The following CACNA1C variants were observed in gnomAD, a reference collection of about 807,000 sequenced individuals.
CACNA1C encodes the protein voltage-dependent L-type calcium channel subunit alpha-1C.
In CACNA1C, 30 loss-of-function variants were observed where a neutral mutation model predicts 229.0. That is an observed-to-expected ratio of 0.13 (90% CI 0.10 to 0.18). The LOEUF is 0.18. Among genes scored for constraint, CACNA1C ranks in the 10% least tolerant of loss-of-function variants. The probability of loss-of-function intolerance (pLI) is 1.00; values close to 1 mark genes in which losing one functional copy is unlikely to be tolerated. For missense variants in CACNA1C, 1,658 were observed against 2,845.0 expected (o/e 0.58, Z 9.49); for synonymous variants, 1,114 against 1,132.5 (o/e 0.98, Z 0.33).
intron 10 of CACNA1C, 79 bp downstream of exon 10, chr12:2,550,112 G>T: frequency 9.9e-7 from 1 of 1,007,234 alleles, no homozygotes; most frequent in Non-Finnish European, 1.5e-6. Flanking sequence ...AAATCACAGT[G>T]GGCTGGCTCA....
intron 3 of CACNA1C, among the ~76,000 whole-genome samples, chr12:2,241,206 A>G (rs1213582573): frequency 1.3e-5 from 2 of 152,054 alleles, no homozygotes; most frequent in African/African-American, 2.4e-5. Flanking sequence ...CAGCCCCGCT[A>G]TGTCCCCGCG....
chr12:2,394,613 C>T (rs1335217956), intron 3 of CACNA1C, among the ~76,000 whole-genome samples: 1 of 152,140 alleles, frequency 6.6e-6, no homozygotes, highest in Non-Finnish European at 1.5e-5. Flanking sequence ...TGGAAGGCCT[C>T]CTCTCTGGGC....
In CACNA1C at chr12:2,037,817, C is replaced by T. The variant is rs1312873491; in HGVS notation, c.139+66616C>T. Among the ~76,000 whole-genome samples the T allele has an allele frequency of 2.6e-5, 4 of 152,178 alleles. No homozygotes were observed. In the East Asian group the frequency reaches 7.7e-4, roughly 29 times the overall value. On this transcript the variant is annotated intron_variant, in intron 1 of 46. Coordinates refer to the CACNA1C transcript ENST00000682462. ...CTTATAAGAAATCCAGAATCTCAGG[C>T]TCTACCCAGATCTACTGAATCAGAA...
At chr12:2,672,580 C>T (rs140208424) in intron 38 of CACNA1C, among the ~76,000 whole-genome samples, 215 of 152,292 alleles carry the variant, frequency 1.4e-3, no homozygotes, top group Non-Finnish European at 2.6e-3. Context: ...GCCTGGTGTG[C>T]ACTGGCTCAC....
intron 13 of CACNA1C, among the ~76,000 whole-genome samples, chr12:2,573,722 T>C (rs2057299417): frequency 1.3e-5 from 2 of 152,196 alleles, no homozygotes; most frequent in South Asian, 4.1e-4. Flanking sequence ...GCAAATAATT[T>C]ATTACTGAGA....
At chr12:2,663,925 A>G (rs920148590) in intron 34 of CACNA1C, among the ~76,000 whole-genome samples, 3 of 151,986 alleles carry the variant, frequency 2.0e-5, no homozygotes, top group Non-Finnish European at 4.4e-5. Context: ...TATTTTTAGT[A>G]GAGACGAGGC....
At position 2,258,261 on chromosome 12, in the gene CACNA1C, G is replaced by T. The variant is rs145328915; in HGVS notation, c.477+137831G>T. ...TCCGCCTCTCAATTTATGAGATAATGAGAGTTATGTAATAATTCCCTTCTT... is the reference window on the plus strand; with the variant it reads ...TCCGCCTCTCAATTTATGAGATAATTAGAGTTATGTAATAATTCCCTTCTT... On this transcript the variant is annotated intron_variant, in intron 3 of 46. Coordinates refer to ENST00000399655, the MANE Select transcript of CACNA1C (RefSeq NM_000719.7). Among the ~76,000 whole-genome samples the T allele has an allele frequency of 3.4e-3, 517 of 152,294 alleles. 7 individuals carry two copies. The highest frequency in any genetic ancestry group is 0.012 in the African/African-American group (504 of 41,546).
chr12:2,512,090 C>T lies in CACNA1C; in HGVS notation c.1218-722C>T, dbSNP rs1251849115. On this transcript the variant is annotated intron_variant, in intron 8 of 46. Coordinates refer to ENST00000399655, the MANE Select transcript of CACNA1C (RefSeq NM_000719.7). This position sits in a 1 kb window ranked among gnomAD's most constrained non-coding sequence, Gnocchi z 4.3. ...CAGGAATGCTGAGTGGCAGGTTGAGCTCGTCATAAGAATAGAGATTGAGGA... is the reference window on the plus strand; with the variant it reads ...CAGGAATGCTGAGTGGCAGGTTGAGTTCGTCATAAGAATAGAGATTGAGGA... Among the ~76,000 whole-genome samples the T allele has an allele frequency of 6.6e-6, 1 of 152,126 alleles. No individual in the cohort carries two copies. The highest frequency in any genetic ancestry group is 6.5e-5 in the Admixed American group (1 of 15,274).
chr12:2,151,049 A>T (rs1199777852), intron 3 of CACNA1C, among the ~76,000 whole-genome samples: 1 of 152,170 alleles, frequency 6.6e-6, no homozygotes, highest in Admixed American at 6.5e-5. Context: ...ACGGAGAAGC[A>T]TGACAGTCAC....
rs2092474584 is a variant in CACNA1C at position 2,285,393 on chromosome 12, A to T, written c.478-163583A>T. ...GCCAGTTGCTAAAACATTTAACAAC[A>T]TACCACTGGCTGGAACCACTTGTGA... On this transcript the variant is annotated intron_variant, in intron 3 of 46. Coordinates refer to ENST00000399655, the MANE Select transcript of CACNA1C (RefSeq NM_000719.7). The surrounding 1 kb of genome is among the most constrained non-coding windows in gnomAD (Gnocchi z 4.2). 1.3e-5 allele frequency among the ~76,000 whole-genome samples: 2 copies of T among 152,208 alleles called. No homozygotes were observed. Among genetic ancestry groups the T allele is most frequent in the African/African-American group, 4.8e-5 (2 of 41,452 alleles).
intron 30 of CACNA1C, 28 bp downstream of exon 30, chr12:2,634,408 G>A (rs754741729): frequency 1.7e-5 from 21 of 1,258,978 alleles, no homozygotes; most frequent in African/African-American, 4.5e-5. Flanking sequence ...GTCCCTAACC[G>A]TCCGTGCCTG....
intron 13 of CACNA1C, among the ~76,000 whole-genome samples, chr12:2,579,761 T>TAAAG (rs1206929519): frequency 6.6e-6 from 1 of 152,104 alleles, no homozygotes; most frequent in Non-Finnish European, 1.5e-5. Flanking sequence ...TTTAATTTTT[T>TAAAG]AAAGATGAGG....
At chr12:2,095,104 C>T (rs563408480) in intron 1 of CACNA1C, among the ~76,000 whole-genome samples, 4 of 152,250 alleles carry the variant, frequency 2.6e-5, no homozygotes, top group East Asian at 1.9e-4. Flanking sequence ...ACTTAGGGCT[C>T]CTGCTTTTGC....
At chr12:2,379,807 G>A (rs959133065) in intron 3 of CACNA1C, among the ~76,000 whole-genome samples, 6 of 151,698 alleles carry the variant, frequency 4.0e-5, no homozygotes, top group African/African-American at 7.3e-5. Context: ...CGAGGCGGGC[G>A]GATCACGAGG....
At chr12:2,624,726 A>C (rs2085323280) in intron 29 of CACNA1C, among the ~76,000 whole-genome samples, 1 of 152,098 alleles carries the variant, frequency 6.6e-6, no homozygotes, top group African/African-American at 2.4e-5. Context: ...CCCCCTCTCT[A>C]AGAACCCACA....
intron 3 of CACNA1C, among the ~76,000 whole-genome samples, chr12:2,163,700 C>G (rs544879575): frequency 6.6e-6 from 1 of 152,168 alleles, no homozygotes; most frequent in African/African-American, 2.4e-5. Context: ...CCTCCTCCCC[C>G]GCTCCCTGGA....
At chr12:2,012,902 T>C (rs773957842) in intron 1 of CACNA1C, among the ~76,000 whole-genome samples, 6 of 152,224 alleles carry the variant, frequency 3.9e-5, no homozygotes, top group Non-Finnish European at 8.8e-5. Flanking sequence ...TCCAGTGTCA[T>C]TTAAATCACT....
At chr12:2,673,473 A>AG in intron 38 of CACNA1C, among the ~76,000 whole-genome samples, 1 of 151,504 alleles carries the variant, frequency 6.6e-6, no homozygotes, top group East Asian at 1.9e-4. Flanking sequence ...TCTAAAAAAA[A>AG]AAAAAAAAAA....
At chr12:2,558,538 C>A (rs1483560848) in intron 11 of CACNA1C, among the ~76,000 whole-genome samples, 1 of 152,244 alleles carries the variant, frequency 6.6e-6, no homozygotes, top group Non-Finnish European at 1.5e-5. Flanking sequence ...GAGACAGCAG[C>A]CCTATGACAG....
Sources: gnomAD v4.1 joint callset for allele counts (sites outside exome capture counted in the v4.1 genomes callset) on GRCh38, gnomAD v4.1.1 for gene constraint, Gnocchi (gnomAD v3.1) non-coding constraint, MANE v1.5 for transcripts, NCBI Gene and HGNC (gene_info 2026-07-23, HGNC 2026-07-21) for gene names.